Variants in UNC5CL observed in about 807,000 individuals in gnomAD.
UNC5CL encodes the protein unc-5 family C-terminal like.
A neutral mutation model predicts 54.1 loss-of-function variants in UNC5CL; 42 were observed. The ratio of observed to expected loss-of-function variants is 0.78; its 90% CI spans 0.61 to 1.00. The LOEUF (loss-of-function observed/expected upper bound fraction) is 1.00. Among genes scored for constraint, UNC5CL ranks in the 50% least tolerant of loss-of-function variants. The pLI, the probability that UNC5CL is intolerant of heterozygous loss-of-function variation, is 0.00. For synonymous variants in UNC5CL, 285 were observed against 285.1 expected (o/e 1.00, Z 0.00); for missense variants, 619 against 675.6 (o/e 0.92, Z 0.93).
At position 41,028,689 on chromosome 6, in the gene UNC5CL, G is replaced by A; in HGVS notation, c.1335-94C>T. The A allele has an allele frequency of 2.5e-6, 3 of 1,202,898 alleles. No individual in the cohort carries two copies. Among genetic ancestry groups the A allele is most frequent in the Admixed American group, 2.2e-5 (1 of 46,402 alleles). 74.5% of individuals were successfully genotyped at this position (1,202,898 alleles called of 1,614,324 possible). A position where few individuals can be genotyped will look rare whatever the true frequency, so the allele number is the denominator to read the frequency against. Reference sequence around the variant, plus strand: ...CCCTGGGCTGCGCAGCGCAAGGTCCGTCCCTTCCCCATCCTGTAGCTTTTG... The same window carrying A: ...CCCTGGGCTGCGCAGCGCAAGGTCCATCCCTTCCCCATCCTGTAGCTTTTG... On this transcript the variant is annotated intron_variant, in intron 8 of 8. Coordinates refer to ENST00000244565, the MANE Select transcript of UNC5CL (RefSeq NM_173561.3). The surrounding 1 kb of genome is among the most constrained non-coding windows in gnomAD (Gnocchi z 4.3).
chr6:41,037,624 T>C (rs1762539769), intron 1 of UNC5CL, among the ~76,000 whole-genome samples: 1 of 152,232 alleles, frequency 6.6e-6, no homozygotes, highest in South Asian at 2.1e-4. Flanking sequence ...TTCTCCCATG[T>C]CCTCACTGAA....
At chr6:41,031,961 G>T in intron 5 of UNC5CL, 75 bp downstream of exon 5, 1 of 1,484,520 alleles carries the variant, frequency 6.7e-7, no homozygotes, top group Non-Finnish European at 9.4e-7. Flanking sequence ...GAGCTCCAGG[G>T]TTACTGGGAG....
intron 1 of UNC5CL, among the ~76,000 whole-genome samples, chr6:41,038,359 G>C (rs954512287): frequency 6.6e-6 from 1 of 152,016 alleles, no homozygotes; most frequent in African/African-American, 2.4e-5. Context: ...AACCTTCCTG[G>C]GGCCACCAAA....
Position 41,028,241 on chromosome 6 carries a change from C to T in UNC5CL, c.*132G>A. On this transcript the variant is annotated 3_prime_UTR_variant, in exon 9 of 9. Transcript: ENST00000244565. The surrounding 1 kb of genome is among the most constrained non-coding windows in gnomAD (Gnocchi z 4.3). ...GCTGGGAGGCTGGCGAGGACGCGGG[C>T]GGCCCTGGCACCGTCCGAGGGTTCT... The T allele has an allele frequency of 3.1e-6, 3 of 963,212 alleles. No homozygotes were observed. The highest frequency in any genetic ancestry group is 2.9e-6 in the Non-Finnish European group (2 of 683,196). 59.7% of individuals were successfully genotyped at this position (963,212 alleles called of 1,614,324 possible).
chr6:41,032,141 G>C lies in UNC5CL; in HGVS notation c.950-4C>G. On this transcript the variant is annotated splice_polypyrimidine_tract_variant and splice_region_variant and intron_variant, in intron 4 of 8. Coordinates refer to ENST00000244565, the MANE Select transcript of UNC5CL (RefSeq NM_173561.3). ...CTGTCATCCACATTCTCCCAACCTG[G>C]TGAGTAGGCAGACAGCAGAGGGCCT... is the stretch of plus-strand genomic sequence containing the variant. The C allele has an allele frequency of 6.2e-7, 1 of 1,613,778 alleles. No homozygotes were observed. Among genetic ancestry groups the C allele is most frequent in the East Asian group, 2.2e-5 (1 of 44,884 alleles).
chr6:41,035,140 T>C lies in UNC5CL; in HGVS notation c.-61-5A>G. On this transcript the variant is annotated splice_polypyrimidine_tract_variant and splice_region_variant and intron_variant, in intron 1 of 8. Transcript: ENST00000244565. ...GTGCCAGCCAAAGCCAAAGGCCTGG[T>C]GGGGAAGAAGGGGTCAGTGTCAGGG... 10 of 1,506,234 alleles carry C rather than the reference T, an allele frequency of 6.6e-6. No homozygotes were observed. Among genetic ancestry groups the C allele is most frequent in the African/African-American group, 1.4e-5 (1 of 71,866 alleles). The allele number at this position is 1,506,234 out of a possible 1,614,324, so 93.3% of individuals were successfully genotyped here.
intron 6 of UNC5CL, among the ~76,000 whole-genome samples, chr6:41,031,454 C>T (rs1000639136): frequency 2.0e-5 from 3 of 152,232 alleles, no homozygotes; most frequent in East Asian, 3.9e-4. Context: ...GTTCTTTTAG[C>T]TTCCTGCTGG....
chr6:41,028,043 GTGAATACTTTAGGGCC>G lies in UNC5CL; in HGVS notation c.*314_*329del, dbSNP rs1467447482. 1.7e-4 allele frequency: 55 copies of G among 319,278 alleles called. No individual in the cohort carries two copies. Among genetic ancestry groups the G allele is most frequent in the Middle Eastern group, 1.7e-3 (2 of 1,196 alleles). The allele number at this position is 319,278 out of a possible 1,614,324, so 19.8% of individuals were successfully genotyped here. On this transcript the variant is annotated 3_prime_UTR_variant, in exon 9 of 9. Transcript: ENST00000244565. This position sits in a 1 kb window ranked among gnomAD's most constrained non-coding sequence, Gnocchi z 4.3. ...AATGCCCGGTCTTCCTAAGTGCTCA[GTGAATACTTTAGGGCC>G]TGACCGGCCCTAAAGTGCACGCGGG...
In UNC5CL at chr6:41,028,657, G is replaced by C; in HGVS notation, c.1335-62C>G. ...AGCAGGGAGGGGCTCCCCCCCTGCTGCAGGCTCCCTGGGCTGCGCAGCGCA... is the reference window on the plus strand; with the variant it reads ...AGCAGGGAGGGGCTCCCCCCCTGCTCCAGGCTCCCTGGGCTGCGCAGCGCA... On this transcript the variant is annotated intron_variant, in intron 8 of 8. Transcript: ENST00000244565. The surrounding 1 kb of genome is among the most constrained non-coding windows in gnomAD (Gnocchi z 4.3). The C allele has an allele frequency of 6.6e-7, 1 of 1,505,460 alleles. No homozygotes were observed. The highest frequency in any genetic ancestry group is 9.1e-7 in the Non-Finnish European group (1 of 1,101,772). The allele number at this position is 1,505,460 out of a possible 1,614,324, so 93.3% of individuals were successfully genotyped here.
rs747849425 is a variant in UNC5CL, at chr6:41,034,077, C to T, written c.490G>A (p.Val164Met). 9.3e-6 allele frequency: 15 copies of T among 1,614,064 alleles called. No individual in the cohort carries two copies. In the South Asian group the frequency reaches 1.6e-4, roughly 18 times the overall value. ...GAGGCCCCATGGGGGCCACATGCCA[C>T]CACAGGGCTTACCAGCCCCTGGGCT... ...SQAQGLVSPV[V>M]ACGPHGASFL... The change falls in exon 3 of 9, where the codon GTG becomes ATG. Residue 164 changes from valine to methionine, a missense_variant. By Grantham distance (21) the Val-to-Met change is conservative. Transcript: ENST00000244565.
At position 41,028,124 on chromosome 6, in the gene UNC5CL, C is replaced by A. The variant is rs1042340040; in HGVS notation, c.*249G>T. On this transcript the variant is annotated 3_prime_UTR_variant, in exon 9 of 9. Coordinates refer to ENST00000244565, the MANE Select transcript of UNC5CL (RefSeq NM_173561.3). This position sits in a 1 kb window ranked among gnomAD's most constrained non-coding sequence, Gnocchi z 4.3. ...CCTGGTCAGTTTGGCAGGCTGGCCA[C>A]GCTGAGGCCATCTCCTGGGCTCCTG... 1.9e-6 allele frequency: 1 copy of A among 534,424 alleles called. No individual in the cohort carries two copies. Among genetic ancestry groups the A allele is most frequent in the Non-Finnish European group, 3.3e-6 (1 of 303,716 alleles). 33.1% of individuals were successfully genotyped at this position (534,424 alleles called of 1,614,324 possible). A position where few individuals can be genotyped will look rare whatever the true frequency, so the allele number is the denominator to read the frequency against.
In UNC5CL at chr6:41,028,657, G is replaced by A. The variant is rs1481123303; in HGVS notation, c.1335-62C>T. 6.6e-7 allele frequency: 1 copy of A among 1,505,474 alleles called. No individual in the cohort carries two copies. The highest frequency in any genetic ancestry group is 1.2e-5 in the South Asian group (1 of 85,542). The allele number at this position is 1,505,474 out of a possible 1,614,324, so 93.3% of individuals were successfully genotyped here. A position where few individuals can be genotyped will look rare whatever the true frequency, so the allele number is the denominator to read the frequency against. The stretch of plus-strand genomic sequence containing the variant: ...AGCAGGGAGGGGCTCCCCCCCTGCT[G>A]CAGGCTCCCTGGGCTGCGCAGCGCA... On this transcript the variant is annotated intron_variant, in intron 8 of 8. Coordinates refer to ENST00000244565, the MANE Select transcript of UNC5CL (RefSeq NM_173561.3). This position sits in a 1 kb window ranked among gnomAD's most constrained non-coding sequence, Gnocchi z 4.3.
At position 41,035,147 on chromosome 6, in the gene UNC5CL, GA is replaced by G. The variant is rs1172220699; in HGVS notation, c.-61-13del. 1.3e-6 allele frequency: 2 copies of G among 1,501,244 alleles called. No individual in the cohort carries two copies. The highest frequency in any genetic ancestry group is 4.5e-5 in the Admixed American group (2 of 44,578). The allele number at this position is 1,501,244 out of a possible 1,614,324, so 93.0% of individuals were successfully genotyped here. On this transcript the variant is annotated splice_polypyrimidine_tract_variant and intron_variant, in intron 1 of 8. Transcript: ENST00000244565. ...CCAAAGCCAAAGGCCTGGTGGGGAA[GA>G]AGGGGTCAGTGTCAGGGTAAGCCCT...
intron 1 of UNC5CL, among the ~76,000 whole-genome samples, chr6:41,038,657 C>T (rs1055873024): frequency 1.3e-5 from 2 of 152,208 alleles, no homozygotes; most frequent in Admixed American, 1.3e-4. Context: ...TCATTACCCA[C>T]TCCTCCAGTC....
rs144441692 is a variant in UNC5CL, at chr6:41,034,057, C to T, written c.510G>A (p.Gly170=). 6.6e-5 allele frequency: 107 copies of T among 1,614,148 alleles called. No individual in the cohort carries two copies. The African/African-American group carries it at 1.1e-3, about 16-fold the overall frequency. The change falls in exon 3 of 9, where the codon GGG becomes GGA. Residue 170 remains glycine (G), a synonymous_variant. Coordinates refer to ENST00000244565, the MANE Select transcript of UNC5CL (RefSeq NM_173561.3). ...VSPVVACGPH[G]ASFLKPCTLT... ...GAGTGCAAGGCTTCAGGAAGGAGGC[C>T]CCATGGGGGCCACATGCCACCACAG...
intron 4 of UNC5CL, 78 bp from the exon 5 acceptor site, chr6:41,032,215 T>C: frequency 8.2e-7 from 1 of 1,224,666 alleles, no homozygotes; most frequent in Non-Finnish European, 1.2e-6. Flanking sequence ...TGGGGAGGCA[T>C]GAGGACAGAA....
Position 41,033,130 on chromosome 6 carries a change from G to A in UNC5CL, c.703C>T (p.Leu235=), listed in dbSNP as rs1762476375. The stretch of plus-strand genomic sequence containing the variant: ...GCTTCGCGCCCCACAGGTGCCTCCA[G>A]CACACAGGTGTAGAGGCTGCAGAGG... ...LSHFSLYTCV[L]EAPVGREARK... The change falls in exon 4 of 9, where the codon CTG becomes TTG. Residue 235 remains leucine, a synonymous_variant. Coordinates refer to ENST00000244565, the MANE Select transcript of UNC5CL (RefSeq NM_173561.3). The A allele has an allele frequency of 6.2e-7, 1 of 1,613,134 alleles. No individual in the cohort carries two copies. The highest frequency in any genetic ancestry group is 8.5e-7 in the Non-Finnish European group (1 of 1,179,746).
intron 5 of UNC5CL, 48 bp downstream of exon 5, chr6:41,031,988 G>C (rs755045038): frequency 6.3e-7 from 1 of 1,582,832 alleles, no homozygotes; most frequent in Non-Finnish European, 8.7e-7. Context: ...AGAGGAGACA[G>C]GATGGGAAAA....
rs1762398489 is a variant in UNC5CL at position 41,027,261 on chromosome 6, T to C, written c.*1112A>G. The C allele has an allele frequency of 6.6e-6, 1 of 152,186 alleles. No homozygotes were observed. The highest frequency in any genetic ancestry group is 2.4e-5 in the African/African-American group (1 of 41,446). 9.4% of individuals were successfully genotyped at this position (152,186 alleles called of 1,614,324 possible). On this transcript the variant is annotated 3_prime_UTR_variant, in exon 9 of 9. Transcript: ENST00000244565. ...GTCTCTTTCAACAGTCTTTGATACA[T>C]AACATTGGTTTAGAGACATATGCCT...
Sources: gnomAD v4.1 joint callset for allele counts (sites outside exome capture counted in the v4.1 genomes callset) on GRCh38, gnomAD v4.1.1 for gene constraint, Gnocchi (gnomAD v3.1) non-coding constraint, MANE v1.5 for transcripts, NCBI Gene and HGNC (gene_info 2026-07-23, HGNC 2026-07-21) for gene names.